Variants in CFAP418 observed in about 807,000 individuals in gnomAD.
CFAP418 encodes cilia- and flagella-associated protein 418.
CFAP418 carries 27 observed loss-of-function variants against 24.7 expected under a neutral mutation model. The ratio of observed to expected loss-of-function variants is 1.09; its 90% CI spans 0.81 to 1.51. The LOEUF is 1.51. Ranked by LOEUF, CFAP418 falls within the 40% of genes most tolerant of loss-of-function variation. The probability of loss-of-function intolerance (pLI) is 0.00; values close to 1 mark genes in which losing one functional copy is unlikely to be tolerated. For missense variants in CFAP418, 257 were observed against 255.2 expected (o/e 1.01, Z -0.05); for synonymous variants, 74 against 87.3 (o/e 0.85, Z 0.85).
rs1812091167 is a variant in CFAP418, at chr8:95,269,016, C to A, written c.155+19G>T. 6.2e-7 allele frequency: 1 copy of A among 1,612,130 alleles called. No individual in the cohort carries two copies. Among genetic ancestry groups the A allele is most frequent in the East Asian group, 2.2e-5 (1 of 44,824 alleles). On this transcript the variant is annotated intron_variant, in intron 1 of 5. Coordinates refer to ENST00000286688, the MANE Select transcript of CFAP418 (RefSeq NM_177965.4). ...AGCAGGGCTTTACCAGAACAGTCCA[C>A]CCCTCCCGCCCGGTTAACCTGAGCG...
chr8:95,259,320 A>G lies in CFAP418; in HGVS notation c.374+520T>C, dbSNP rs115215448. ...GTTTGGGGTAGGTGGCATCATGACT[A>G]TAAGACTGCCCAGAAAGAGGTACTG... On this transcript the variant is annotated intron_variant, in intron 4 of 5. Transcript: ENST00000286688. 3.4e-3 allele frequency among the ~76,000 whole-genome samples: 512 copies of G among 152,292 alleles called. 7 individuals are homozygous for G. Among genetic ancestry groups the G allele is most frequent in the African/African-American group, 0.012 (488 of 41,552 alleles).
At chr8:95,263,629 T>C (rs1811927530) in intron 2 of CFAP418, 58 bp downstream of exon 2, 3 of 1,118,198 alleles carry the variant, frequency 2.7e-6, no homozygotes, top group Non-Finnish European at 4.1e-6. Context: ...TTAAGACTAT[T>C]CTAAACATGT....
At position 95,245,862 on chromosome 8, in the gene CFAP418, G is replaced by T. The variant is rs998584333; in HGVS notation, c.*1755C>A. The T allele has an allele frequency of 1.3e-5, 2 of 152,116 alleles. No individual in the cohort carries two copies. The highest frequency in any genetic ancestry group is 4.8e-5 in the African/African-American group (2 of 41,386). The allele number at this position is 152,116 out of a possible 1,614,324, so 9.4% of individuals were successfully genotyped here. ...ATGAGGTTCTAAATGTGTGGATCTT[G>T]TTGCTCTGCTATTTTTTTCCAGCAG... On this transcript the variant is annotated 3_prime_UTR_variant, in exon 6 of 6. Coordinates refer to ENST00000286688, the MANE Select transcript of CFAP418 (RefSeq NM_177965.4).
At chr8:95,252,333 T>A (rs199599740) in intron 4 of CFAP418, 50 bp from the exon 5 acceptor site, 9 of 1,209,816 alleles carry the variant, frequency 7.4e-6, no homozygotes, top group Non-Finnish European at 1.1e-5. Context: ...TATCTTTAAA[T>A]ACCAATGAAA....
chr8:95,254,113 C>T (rs1811750969), intron 4 of CFAP418, among the ~76,000 whole-genome samples: 2 of 152,188 alleles, frequency 1.3e-5, no homozygotes, highest in South Asian at 4.1e-4. Flanking sequence ...ACGATTTACT[C>T]TATTAGATCA....
intron 5 of CFAP418, among the ~76,000 whole-genome samples, chr8:95,250,733 A>G (rs1198961714): frequency 6.6e-6 from 1 of 152,190 alleles, no homozygotes; most frequent in Non-Finnish European, 1.5e-5. Context: ...TTGGGAGTAC[A>G]TTAGGCTTTA....
rs903043902 is a variant in CFAP418 at position 95,259,865 on chromosome 8, C to T, written c.349G>A (p.Gly117Arg). 7.5e-6 allele frequency: 12 copies of T among 1,609,218 alleles called. No homozygotes were observed. The highest frequency in any genetic ancestry group is 1.3e-5 in the African/African-American group (1 of 74,440). ...VYLGGSSIPCGIGTNISWRAC... is the reference protein window; with the variant it reads ...VYLGGSSIPCRIGTNISWRAC... ...CTCCATGAAATATTTGTTCCAATCC[C>T]ACATGGAATAGAGCTTCCACCAAGG... Residue 117 changes from glycine to arginine, a missense_variant, in exon 4 of 6, where the codon GGG (glycine) becomes AGG (arginine). Physicochemically the swap from Gly to Arg is moderately radical, Grantham distance 125. Transcript: ENST00000286688.
At chr8:95,265,186 T>G (rs979780956) in intron 1 of CFAP418, among the ~76,000 whole-genome samples, 1 of 152,060 alleles carries the variant, frequency 6.6e-6, no homozygotes, top group Non-Finnish European at 1.5e-5. Flanking sequence ...ATCTACCCAC[T>G]AGATGCTATT....
At chr8:95,268,664 A>T (rs985588544) in intron 1 of CFAP418, among the ~76,000 whole-genome samples, 3 of 151,114 alleles carry the variant, frequency 2.0e-5, no homozygotes, top group African/African-American at 7.3e-5. Flanking sequence ...GGGGCGCCTG[A>T]GGGGTATCCC....
chr8:95,258,269 C>T (rs1334229716), intron 4 of CFAP418, among the ~76,000 whole-genome samples: 2 of 150,780 alleles, frequency 1.3e-5, no homozygotes, highest in Non-Finnish European at 3.0e-5. Context: ...GTAGTCCCAG[C>T]TGCTCGGGAG....
At chr8:95,255,922 G>T (rs1031368155) in intron 4 of CFAP418, among the ~76,000 whole-genome samples, 2 of 152,142 alleles carry the variant, frequency 1.3e-5, no homozygotes, top group African/African-American at 4.8e-5. Flanking sequence ...TCATGAAAGG[G>T]GCAACTAATA....
At chr8:95,251,312 A>G (rs1811703730) in intron 5 of CFAP418, among the ~76,000 whole-genome samples, 1 of 152,212 alleles carries the variant, frequency 6.6e-6, no homozygotes, top group Non-Finnish European at 1.5e-5. Flanking sequence ...TATACTCTGA[A>G]GGACAGGTAG....
At chr8:95,261,178 G>T (rs1047815585) in intron 2 of CFAP418, among the ~76,000 whole-genome samples, 1 of 152,154 alleles carries the variant, frequency 6.6e-6, no homozygotes, top group African/African-American at 2.4e-5. Flanking sequence ...CCACCGCCAA[G>T]GAGAGGAAGT....
intron 4 of CFAP418, among the ~76,000 whole-genome samples, chr8:95,257,466 C>G (rs1298283123): frequency 6.6e-6 from 1 of 152,168 alleles, no homozygotes; most frequent in Non-Finnish European, 1.5e-5. Flanking sequence ...TGGGCATTGT[C>G]CTTCGATGTA....
intron 5 of CFAP418, 54 bp from the exon 6 acceptor site, chr8:95,247,824 A>C: frequency 7.9e-7 from 1 of 1,267,054 alleles, no homozygotes; most frequent in Non-Finnish European, 1.1e-6. Flanking sequence ...GTGCTTAATG[A>C]TTAAAAAAAA....
rs539174786 is a variant in CFAP418, at chr8:95,246,523, C to T, written c.*1094G>A. 6.6e-6 allele frequency: 1 copy of T among 152,268 alleles called. No homozygotes were observed. Among genetic ancestry groups the T allele is most frequent in the Non-Finnish European group, 1.5e-5 (1 of 68,014 alleles). 9.4% of individuals were successfully genotyped at this position (152,268 alleles called of 1,614,324 possible). On this transcript the variant is annotated 3_prime_UTR_variant, in exon 6 of 6. Coordinates refer to ENST00000286688, the MANE Select transcript of CFAP418 (RefSeq NM_177965.4). ...TATTCCCTTTCAGGGTGCTCTGTAT[C>T]ACACATTTGAACTATATAGTACATA...
intron 2 of CFAP418, among the ~76,000 whole-genome samples, chr8:95,263,230 C>T (rs74467692): frequency 0.048 from 7,248 of 152,148 alleles, 246 homozygotes; most frequent in East Asian, 0.13. Flanking sequence ...ATATTACTTT[C>T]TGAACTTTTT....
chr8:95,263,086 A>G (rs528549407), intron 2 of CFAP418, among the ~76,000 whole-genome samples: 6 of 152,278 alleles, frequency 3.9e-5, no homozygotes, highest in Non-Finnish European at 8.8e-5. Flanking sequence ...TAGGATTTAG[A>G]GAGGTCTTAA....
intron 4 of CFAP418, among the ~76,000 whole-genome samples, chr8:95,257,532 T>C (rs1295789128): frequency 6.6e-6 from 1 of 152,184 alleles, no homozygotes; most frequent in Non-Finnish European, 1.5e-5. Flanking sequence ...ACTTCTATTA[T>C]TCAATATAAT....
Sources: gnomAD v4.1 joint callset for allele counts (sites outside exome capture counted in the v4.1 genomes callset) on GRCh38, gnomAD v4.1.1 for gene constraint, MANE v1.5 for transcripts, NCBI Gene and HGNC (gene_info 2026-07-23, HGNC 2026-07-21) for gene names.